The following RAB31 variants were observed in gnomAD, a reference collection of about 807,000 sequenced individuals.
RAB31 encodes ras-related protein Rab-31.
A neutral mutation model predicts 25.6 loss-of-function variants in RAB31; 21 were observed. The observed-to-expected ratio is 0.82, with a 90% confidence interval of 0.58 to 1.18. The LOEUF (loss-of-function observed/expected upper bound fraction) is 1.18. Ranked by LOEUF, RAB31 falls within the 50% of genes most tolerant of loss-of-function variation. The probability of loss-of-function intolerance (pLI) is 0.00; values close to 1 mark genes in which losing one functional copy is unlikely to be tolerated. For missense variants in RAB31, 196 were observed against 250.1 expected (o/e 0.78, Z 1.46); for synonymous variants, 87 against 84.0 (o/e 1.04, Z -0.20).
chr18:9,724,767 C>A (rs1487045929), intron 1 of RAB31, among the ~76,000 whole-genome samples: 2 of 152,166 alleles, frequency 1.3e-5, no homozygotes, highest in Non-Finnish European at 2.9e-5. Context: ...AAGGTAATAG[C>A]CCCATAATCC....
chr18:9,845,530 G>A (rs1285904332), intron 5 of RAB31, 52 bp from the exon 6 acceptor site: 10 of 1,451,424 alleles, frequency 6.9e-6, no homozygotes, highest in Non-Finnish European at 7.3e-6. Context: ...TGGGTGATTT[G>A]TATTTTACAA....
intron 3 of RAB31, among the ~76,000 whole-genome samples, chr18:9,802,798 A>G (rs1298282922): frequency 6.6e-6 from 1 of 152,230 alleles, no homozygotes; most frequent in Non-Finnish European, 1.5e-5. Flanking sequence ...TGAGAAAGCA[A>G]AGGAACTGGA....
At chr18:9,733,362 G>A (rs12457728) in intron 1 of RAB31, among the ~76,000 whole-genome samples, 25,238 of 152,106 alleles carry the variant, frequency 0.17, 2,701 homozygotes, top group Non-Finnish European at 0.25. Context: ...GGCATATATG[G>A]TGTATGTTCT....
intron 1 of RAB31, among the ~76,000 whole-genome samples, chr18:9,762,052 C>T (rs139688941): frequency 0.08 from 12,205 of 152,178 alleles, 787 homozygotes; most frequent in African/African-American, 0.17. Flanking sequence ...AGGTGATCCA[C>T]CTGCCTCGGC....
chr18:9,754,358 C>T (rs2068250308), intron 1 of RAB31, among the ~76,000 whole-genome samples: 1 of 152,126 alleles, frequency 6.6e-6, no homozygotes, highest in African/African-American at 2.4e-5. Context: ...TGGCTCACTG[C>T]AACCTCTGCT....
intron 1 of RAB31, among the ~76,000 whole-genome samples, chr18:9,750,832 C>G (rs2068231138): frequency 6.6e-6 from 1 of 152,128 alleles, no homozygotes; most frequent in African/African-American, 2.4e-5. Context: ...CTTGTTGCCT[C>G]AATCCTACTG....
At chr18:9,722,052 A>C (rs12970386) in intron 1 of RAB31, among the ~76,000 whole-genome samples, 102,264 of 151,852 alleles carry the variant, frequency 0.67, 37,815 homozygotes, top group Non-Finnish European at 0.83. Context: ...ACAGCAGGCG[A>C]GCAGTGTGAC....
At chr18:9,713,987 A>G (rs1011885405) in intron 1 of RAB31, among the ~76,000 whole-genome samples, 1 of 152,146 alleles carries the variant, frequency 6.6e-6, no homozygotes, top group Non-Finnish European at 1.5e-5. Context: ...CTCACATTGG[A>G]GGTTAGGCTT....
At chr18:9,804,499 G>A (rs991230514) in intron 3 of RAB31, among the ~76,000 whole-genome samples, 2 of 152,104 alleles carry the variant, frequency 1.3e-5, no homozygotes, top group South Asian at 2.1e-4. Context: ...TGGATTTGCC[G>A]AGAATCTAAG....
At chr18:9,773,806 A>G (rs564168548) in intron 1 of RAB31, among the ~76,000 whole-genome samples, 36 of 152,150 alleles carry the variant, frequency 2.4e-4, no homozygotes, top group Admixed American at 7.9e-4. Flanking sequence ...CTACAGGCCC[A>G]TGTCGCCACA....
intron 1 of RAB31, among the ~76,000 whole-genome samples, chr18:9,718,236 A>AAT (rs1323663468): frequency 6.6e-6 from 1 of 151,630 alleles, no homozygotes; most frequent in Non-Finnish European, 1.5e-5. Flanking sequence ...ACTTCATTTT[A>AAT]GCAGCTAAAA....
intron 5 of RAB31, among the ~76,000 whole-genome samples, chr18:9,821,740 C>T (rs922806380): frequency 2.0e-5 from 3 of 151,988 alleles, no homozygotes; most frequent in Non-Finnish European, 4.4e-5. Context: ...AATACTTAGG[C>T]ATATATTTAA....
At chr18:9,838,523 T>G (rs1337075168) in intron 5 of RAB31, among the ~76,000 whole-genome samples, 2 of 152,214 alleles carry the variant, frequency 1.3e-5, no homozygotes, top group Non-Finnish European at 2.9e-5. Flanking sequence ...TGTACCTGTC[T>G]TCTATTCCCC....
intron 1 of RAB31, among the ~76,000 whole-genome samples, chr18:9,751,486 G>A (rs936465915): frequency 5.7e-4 from 86 of 152,178 alleles, no homozygotes; most frequent in African/African-American, 2.1e-3. Flanking sequence ...GAGCATAACT[G>A]GCTGAATGAG....
intron 5 of RAB31, among the ~76,000 whole-genome samples, chr18:9,826,701 C>T (rs1409696476): frequency 6.6e-6 from 1 of 152,238 alleles, no homozygotes; most frequent in African/African-American, 2.4e-5. Context: ...TATGATCCCT[C>T]TTCTGGATGG....
At chr18:9,742,948 C>T (rs1226764578) in intron 1 of RAB31, among the ~76,000 whole-genome samples, 1 of 152,080 alleles carries the variant, frequency 6.6e-6, no homozygotes, top group African/African-American at 2.4e-5. Flanking sequence ...TTCAAAGTCG[C>T]AAATGAAATA....
chr18:9,725,051 G>A (rs138673084), intron 1 of RAB31, among the ~76,000 whole-genome samples: 4 of 152,256 alleles, frequency 2.6e-5, no homozygotes, highest in African/African-American at 9.6e-5. Flanking sequence ...CCTCTACCTG[G>A]GTAGCTTGGG....
chr18:9,846,275 G>T (rs552603123), intron 6 of RAB31, among the ~76,000 whole-genome samples: 8 of 152,138 alleles, frequency 5.3e-5, no homozygotes, highest in Non-Finnish European at 1.0e-4. Flanking sequence ...CCGGCTCCCC[G>T]GGAATAACCT....
At chr18:9,770,587 G>A (rs114654793) in intron 1 of RAB31, among the ~76,000 whole-genome samples, 5 of 152,162 alleles carry the variant, frequency 3.3e-5, no homozygotes, top group African/African-American at 1.2e-4. Context: ...GCATGAGTAC[G>A]TCTCTGATAT....
Sources: gnomAD v4.1 joint callset for allele counts (sites outside exome capture counted in the v4.1 genomes callset) on GRCh38, gnomAD v4.1.1 for gene constraint, MANE v1.5 for transcripts, NCBI Gene and HGNC (gene_info 2026-07-23, HGNC 2026-07-21) for gene names.